The following CEP112 variants were observed in gnomAD, a reference collection of about 807,000 sequenced individuals.
CEP112 encodes centrosomal protein of 112 kDa.
In CEP112, 127 loss-of-function variants were observed where a neutral mutation model predicts 153.0. That is an observed-to-expected ratio of 0.83 (90% CI 0.72 to 0.96). The LOEUF (loss-of-function observed/expected upper bound fraction) is 0.96, where lower values mean the gene tolerates loss of function less well. Ranked by LOEUF, CEP112 falls within the 40% of genes least tolerant of loss-of-function variation. CEP112 has a pLI of 0.00. For synonymous variants in CEP112, 358 were observed against 374.4 expected (o/e 0.96, Z 0.51); for missense variants, 1,089 against 1,101.2 (o/e 0.99, Z 0.16).
intron 23 of CEP112, among the ~76,000 whole-genome samples, chr17:65,698,689 C>T (rs2048475000): frequency 6.6e-6 from 1 of 152,100 alleles, no homozygotes; most frequent in South Asian, 2.1e-4. Context: ...TGGCTCTAAA[C>T]AGCTTCACTT....
intron 12 of CEP112, among the ~76,000 whole-genome samples, chr17:66,034,993 C>CGTGTGTGT (rs2065664534): frequency 1.0e-4 from 3 of 29,984 alleles, no homozygotes; most frequent in Non-Finnish European, 2.0e-4. Context: ...TATATATATA[C>CGTGTGTGT]ATATATATAT....
chr17:66,106,391 C>A (rs2068784303), intron 6 of CEP112, among the ~76,000 whole-genome samples: 1 of 151,688 alleles, frequency 6.6e-6, no homozygotes, highest in Admixed American at 6.6e-5. Flanking sequence ...AATCAACAAG[C>A]CTTCAACCAG....
At chr17:65,865,856 G>A (rs2058465254) in intron 20 of CEP112, among the ~76,000 whole-genome samples, 1 of 152,196 alleles carries the variant, frequency 6.6e-6, no homozygotes, top group East Asian at 1.9e-4. Flanking sequence ...CAGTGGCGGA[G>A]CAGCACGGTT....
At chr17:65,973,959 CACTT>C (rs2062940596) in intron 17 of CEP112, among the ~76,000 whole-genome samples, 3 of 152,210 alleles carry the variant, frequency 2.0e-5, no homozygotes, top group Admixed American at 6.5e-5. Flanking sequence ...TGTTTAATCT[CACTT>C]ACAAGAGTAC....
rs1289516121 is a variant in CEP112, at chr17:66,122,189, TG to T, written c.642+7556del. Among the ~76,000 whole-genome samples the T allele has an allele frequency of 5.9e-5, 9 of 152,258 alleles. No individual in the cohort carries two copies. In the East Asian group the frequency reaches 1.5e-3, roughly 26 times the overall value. Reference sequence around the variant, plus strand: ...GATTATAGGCATGAGCCACTGCGCCTGGCCCATCACAGCTTTCTTTACTTCT... The same window carrying T: ...GATTATAGGCATGAGCCACTGCGCCTGCCCATCACAGCTTTCTTTACTTCT... On this transcript the variant is annotated intron_variant, in intron 6 of 26. Transcript: ENST00000535342.
intron 24 of CEP112, among the ~76,000 whole-genome samples, chr17:65,675,090 A>T (rs2047160901): frequency 6.6e-6 from 1 of 152,230 alleles, no homozygotes; most frequent in Non-Finnish European, 1.5e-5. Context: ...GGAGAGAATT[A>T]GTGAGCTAGA....
chr17:65,835,729 T>A (rs1446750223), intron 21 of CEP112, among the ~76,000 whole-genome samples: 1 of 152,102 alleles, frequency 6.6e-6, no homozygotes, highest in East Asian at 1.9e-4. Flanking sequence ...AGTTTTTCAA[T>A]CAGCAAGAAA....
chr17:65,969,211 A>G (rs1410252811), intron 17 of CEP112, among the ~76,000 whole-genome samples: 1 of 151,626 alleles, frequency 6.6e-6, no homozygotes, highest in Non-Finnish European at 1.5e-5. Flanking sequence ...CCTCCCAAGT[A>G]GCTGGGATTA....
chr17:66,124,676 T>C (rs1279775093), intron 6 of CEP112, among the ~76,000 whole-genome samples: 3 of 152,088 alleles, frequency 2.0e-5, no homozygotes, highest in African/African-American at 4.8e-5. Context: ...ATCCCTCAAT[T>C]TGGCCCACCC....
intron 10 of CEP112, among the ~76,000 whole-genome samples, chr17:66,066,547 C>T (rs2067125748): frequency 6.8e-6 from 1 of 146,932 alleles, no homozygotes; most frequent in African/African-American, 2.5e-5. Context: ...ACCAGTACTA[C>T]TCCATCACTG....
chr17:66,082,673 G>A (rs1280969284), intron 8 of CEP112, among the ~76,000 whole-genome samples: 1 of 151,680 alleles, frequency 6.6e-6, no homozygotes, highest in African/African-American at 2.4e-5. Flanking sequence ...TGAGGAACAA[G>A]AATTGCTTGA....
intron 4 of CEP112, among the ~76,000 whole-genome samples, chr17:66,152,609 G>A (rs952649387): frequency 2.6e-5 from 4 of 152,020 alleles, no homozygotes; most frequent in African/African-American, 4.8e-5. Flanking sequence ...TGTGAAGATC[G>A]AAAAGATAAA....
chr17:65,875,704 C>T (rs1004441284), intron 20 of CEP112, among the ~76,000 whole-genome samples: 3 of 152,112 alleles, frequency 2.0e-5, no homozygotes, highest in Admixed American at 6.6e-5. Flanking sequence ...CCTCACTTCA[C>T]GCAATGAGAA....
chr17:65,647,173 G>GTTTTTTTTT (rs771331024), intron 24 of CEP112, among the ~76,000 whole-genome samples: 2 of 126,598 alleles, frequency 1.6e-5, no homozygotes, highest in Non-Finnish European at 3.2e-5. Context: ...CTTGATTCTT[G>GTTTTTTTTT]TTTTTTTTTT....
At chr17:65,700,011 C>G (rs532949589) in intron 23 of CEP112, among the ~76,000 whole-genome samples, 2 of 152,220 alleles carry the variant, frequency 1.3e-5, no homozygotes, top group African/African-American at 4.8e-5. Flanking sequence ...ACTATTAGAA[C>G]ACTCTACTTC....
chr17:66,043,634 C>T (rs1252737290), intron 12 of CEP112, among the ~76,000 whole-genome samples: 5 of 152,130 alleles, frequency 3.3e-5, no homozygotes, highest in Admixed American at 3.3e-4. Flanking sequence ...TAGACCCTAT[C>T]ATTTTACAGC....
intron 18 of CEP112, among the ~76,000 whole-genome samples, chr17:65,942,093 A>C (rs2061522418): frequency 6.6e-6 from 1 of 152,154 alleles, no homozygotes; most frequent in Non-Finnish European, 1.5e-5. Flanking sequence ...TTGGCCTGTT[A>C]GGAACCCTGC....
intron 21 of CEP112, among the ~76,000 whole-genome samples, chr17:65,818,773 A>G (rs1235057392): frequency 1.3e-5 from 2 of 151,948 alleles, no homozygotes; most frequent in East Asian, 3.8e-4. Flanking sequence ...CTATCTGCTC[A>G]TTAATTTGTT....
chr17:66,087,460 T>A (rs2067981389), intron 8 of CEP112, among the ~76,000 whole-genome samples: 1 of 152,156 alleles, frequency 6.6e-6, no homozygotes, highest in Admixed American at 6.5e-5. Flanking sequence ...GAAAAAGAAA[T>A]TCAAAACAAG....
Sources: gnomAD v4.1 joint callset for allele counts (sites outside exome capture counted in the v4.1 genomes callset) on GRCh38, gnomAD v4.1.1 for gene constraint, MANE v1.5 for transcripts, NCBI Gene and HGNC (gene_info 2026-07-23, HGNC 2026-07-21) for gene names.